ZNF30: variants seen among roughly 807,000 people sequenced by gnomAD.
The protein encoded by ZNF30 is zinc finger protein 30.
ZNF30 carries 15 observed loss-of-function variants against 13.2 expected under a neutral mutation model. That is an observed-to-expected ratio of 1.13 (90% CI 0.76 to 1.75). The LOEUF (loss-of-function observed/expected upper bound fraction) is 1.75, where lower values mean the gene tolerates loss of function less well. ZNF30 is among the 40% of genes most tolerant of loss of function. The pLI is 0.00. For missense variants in ZNF30, 726 were observed against 757.0 expected (o/e 0.96, Z 0.48); for synonymous variants, 223 against 256.6 (o/e 0.87, Z 1.25).
rs949117713 is a variant in ZNF30, at chr19:34,941,933, A to C, written c.257-1290A>C. Reference sequence around the variant, plus strand: ...CGTGCTCCTCATTAAAAGACTGTTTACTAGATTACAGTGATAATGGTCCAA... The same window carrying C: ...CGTGCTCCTCATTAAAAGACTGTTTCCTAGATTACAGTGATAATGGTCCAA... On this transcript the variant is annotated intron_variant, in intron 4 of 4. Transcript: ENST00000601142. 2.0e-5 allele frequency among the ~76,000 whole-genome samples: 3 copies of C among 152,176 alleles called. No individual in the cohort carries two copies. In the East Asian group the frequency reaches 5.8e-4, roughly 29 times the overall value.
At chr19:34,925,347 T>G (rs2012026742), upstream of ZNF30, among the ~76,000 whole-genome samples, 1 of 152,176 alleles carries the variant, frequency 6.6e-6, no homozygotes, top group South Asian at 2.1e-4. Flanking sequence ...CTGCAGGGTT[T>G]TGAGTGGAAG....
At position 34,944,794 on chromosome 19, in the gene ZNF30, G is replaced by A; in HGVS notation, c.1828G>A (p.Ala610Thr). 6.2e-7 allele frequency: 1 copy of A among 1,610,202 alleles called. No individual in the cohort carries two copies. Among genetic ancestry groups the A allele is most frequent in the Non-Finnish European group, 8.5e-7 (1 of 1,177,130 alleles). Residue 610 changes from alanine to threonine, a missense_variant, in exon 5 of 5, where the codon GCC becomes ACC. By Grantham distance (58) the Ala-to-Thr change is moderately conservative (BLOSUM62 0). Transcript: ENST00000601142. ...KCGKTFRYSS[A>T]LKVHLRKHMS... ...TGGGAAGACCTTTAGATACAGTTCA[G>A]CCCTTAAAGTGCATCTGAGAAAACA...
intron 4 of ZNF30, among the ~76,000 whole-genome samples, chr19:34,934,909 A>G (rs1389115061): frequency 6.6e-6 from 1 of 152,134 alleles, no homozygotes; most frequent in Non-Finnish European, 1.5e-5. Context: ...CTACACACAT[A>G]TCCCAGAACT....
chr19:34,931,280 A>G (rs1278313694), intron 2 of ZNF30, among the ~76,000 whole-genome samples: 1 of 151,996 alleles, frequency 6.6e-6, no homozygotes, highest in African/African-American at 2.4e-5. Context: ...CGTGTGATCC[A>G]CCCACCTCAG....
chr19:34,942,709 G>A (rs1219064261), intron 4 of ZNF30: 7 of 1,118,568 alleles, frequency 6.3e-6, no homozygotes, highest in African/African-American at 1.6e-5. Flanking sequence ...GGTGCTAAAA[G>A]GGGGAAATTA....
At position 34,944,621 on chromosome 19, in the gene ZNF30, A is replaced by G. The variant is rs1035916503; in HGVS notation, c.1655A>G (p.Tyr552Cys). 5.6e-6 allele frequency: 9 copies of G among 1,614,082 alleles called. No individual in the cohort carries two copies. Among genetic ancestry groups the G allele is most frequent in the Middle Eastern group, 1.6e-4 (1 of 6,062 alleles). Reference sequence around the variant, plus strand: ...AAATGTGGGAAAGCCTTTACTGTTTATGGACAACTTATTGGACATCAGAGT... The same window carrying G: ...AAATGTGGGAAAGCCTTTACTGTTTGTGGACAACTTATTGGACATCAGAGT... Reference protein sequence around the residue: ...CNKCGKAFTVYGQLIGHQSVH... With the variant: ...CNKCGKAFTVCGQLIGHQSVH... The change falls in exon 5 of 5, where the codon TAT becomes TGT. Residue 552 changes from tyrosine to cysteine, a missense_variant. Coordinates refer to ENST00000601142, the MANE Select transcript of ZNF30 (RefSeq NM_194325.3).
At position 34,944,405 on chromosome 19, in the gene ZNF30, A is replaced by G; in HGVS notation, c.1439A>G (p.Asp480Gly). The G allele has an allele frequency of 6.2e-7, 1 of 1,613,480 alleles. No individual in the cohort carries two copies. Among genetic ancestry groups the G allele is most frequent in the Non-Finnish European group, 8.5e-7 (1 of 1,179,812 alleles). Residue 480 changes from aspartate to glycine, a missense_variant, in exon 5 of 5, where the codon GAT (aspartate) becomes GGT (glycine). Physicochemically the swap from Asp to Gly is moderately conservative, Grantham distance 94. Coordinates refer to ENST00000601142, the MANE Select transcript of ZNF30 (RefSeq NM_194325.3). The stretch of plus-strand genomic sequence containing the variant: ...ACACAGCATCGGAAAATTCATACTG[A>G]TGTAAAGCCCTATGAATGTAAGGAA... ...HLTQHRKIHT[D>G]VKPYECKECG...
intron 1 of ZNF30, among the ~76,000 whole-genome samples, chr19:34,929,589 G>A (rs918287477): frequency 2.0e-5 from 3 of 152,206 alleles, no homozygotes; most frequent in Non-Finnish European, 2.9e-5. Context: ...GGAGTGAGGA[G>A]AATCTGTTCA....
Position 34,930,063 on chromosome 19 carries a change from C to T in ZNF30, c.9+107C>T, listed in dbSNP as rs1367023162. 1.0e-5 allele frequency: 11 copies of T among 1,076,636 alleles called. No individual in the cohort carries two copies. In the East Asian group the frequency reaches 2.6e-4, roughly 25 times the overall value. 66.7% of individuals were successfully genotyped at this position (1,076,636 alleles called of 1,614,324 possible). On this transcript the variant is annotated intron_variant, in intron 2 of 4. Transcript: ENST00000601142. Reference sequence around the variant, plus strand: ...TCAGAATGTACCATCTAATTGCCTACTTGATTCCTTCTGTTTGGCGGAATG... The same window carrying T: ...TCAGAATGTACCATCTAATTGCCTATTTGATTCCTTCTGTTTGGCGGAATG...
intron 3 of ZNF30, among the ~76,000 whole-genome samples, chr19:34,932,490 G>A (rs2012503007): frequency 6.6e-6 from 1 of 152,128 alleles, no homozygotes; most frequent in African/African-American, 2.4e-5. Context: ...AGCAGACTTT[G>A]TTTTTGTCTT....
At chr19:34,941,366 G>T (rs2013039866) in intron 4 of ZNF30, among the ~76,000 whole-genome samples, 1 of 152,198 alleles carries the variant, frequency 6.6e-6, no homozygotes, top group Non-Finnish European at 1.5e-5. Flanking sequence ...CCAGGTTCAA[G>T]TGATTCTCCT....
chr19:34,942,604 C>T (rs1454918399), intron 4 of ZNF30: 3 of 1,286,886 alleles, frequency 2.3e-6, no homozygotes, highest in South Asian at 1.2e-5. Context: ...GATAAGAAAG[C>T]TCCAGTCTAC....
In ZNF30 at chr19:34,944,356, GCCTT is replaced by G; in HGVS notation, c.1392_1395del (p.Phe465GlufsTer16). On this transcript the variant is annotated frameshift_variant, in exon 5 of 5. Transcript: ENST00000601142. LOFTEE classifies it low-confidence loss of function (END_TRUNC). ...CTATGAGTGTAAGGAATGTGGCAAG[GCCTT>G]CAGAGTGCACGTACATCTCACACAG... 1 of 1,614,148 alleles carries G rather than the reference GCCTT, an allele frequency of 6.2e-7. No homozygotes were observed. Among genetic ancestry groups the G allele is most frequent in the Non-Finnish European group, 8.5e-7 (1 of 1,180,022 alleles).
chr19:34,944,964 C>A lies in ZNF30; in HGVS notation c.*126C>A. The A allele has an allele frequency of 2.4e-6, 2 of 847,298 alleles. No homozygotes were observed. Among genetic ancestry groups the A allele is most frequent in the Non-Finnish European group, 3.4e-6 (2 of 582,182 alleles). 52.5% of individuals were successfully genotyped at this position (847,298 alleles called of 1,614,324 possible). On this transcript the variant is annotated 3_prime_UTR_variant, in exon 5 of 5. Coordinates refer to ENST00000601142, the MANE Select transcript of ZNF30 (RefSeq NM_194325.3). ...GCAGGTCTATTCTCATCTTATAATT[C>A]ATAATATAACTCAGAAAACATAAGA... is the stretch of plus-strand genomic sequence containing the variant.
At chr19:34,932,089 CT>C in intron 3 of ZNF30, 96 bp downstream of exon 3, 1 of 1,111,114 alleles carries the variant, frequency 9.0e-7, no homozygotes. Context: ...AACACGATTT[CT>C]TCTTGTTGCC....
Position 34,944,479 on chromosome 19 carries a change from A to T in ZNF30, c.1513A>T (p.Ile505Phe), listed in dbSNP as rs1284995341. 5 of 1,609,900 alleles carry T rather than the reference A, an allele frequency of 3.1e-6. No homozygotes were observed. Reference sequence around the variant, plus strand: ...CTCGTACCTTGTACAACATAGCAGAATCCATACTGGTAAGAAGCCCTATGA... The same window carrying T: ...CTCGTACCTTGTACAACATAGCAGATTCCATACTGGTAAGAAGCCCTATGA... ...RASYLVQHSR[I>F]HTGKKPYECK... Residue 505 changes from isoleucine to phenylalanine, a missense_variant, in exon 5 of 5, where the codon ATC (isoleucine) becomes TTC (phenylalanine). By Grantham distance (21) the Ile-to-Phe change is conservative. Transcript: ENST00000601142.
At chr19:34,923,887 G>A (rs1378283615), upstream of ZNF30, 1 of 152,144 alleles carries the variant, frequency 6.6e-6, no homozygotes, top group Non-Finnish European at 1.5e-5. Context: ...TCAGATAAAC[G>A]TATGGAACTT....
At chr19:34,939,577 G>T (rs2012933157) in intron 4 of ZNF30, among the ~76,000 whole-genome samples, 1 of 152,182 alleles carries the variant, frequency 6.6e-6, no homozygotes, top group Admixed American at 6.5e-5. Context: ...GCTTCCCAAA[G>T]GGCTGGGATT....
At chr19:34,938,382 T>C (rs546844615) in intron 4 of ZNF30, among the ~76,000 whole-genome samples, 32 of 152,240 alleles carry the variant, frequency 2.1e-4, no homozygotes, top group African/African-American at 7.7e-4. Flanking sequence ...GAGGATTTTC[T>C]TTTTTATTTT....
Sources: gnomAD v4.1 joint callset for allele counts (sites outside exome capture counted in the v4.1 genomes callset) on GRCh38, gnomAD v4.1.1 for gene constraint, MANE v1.5 for transcripts, NCBI Gene and HGNC (gene_info 2026-07-23, HGNC 2026-07-21) for gene names.